The following TENM2 variants were observed in gnomAD, a reference collection of about 807,000 sequenced individuals.
TENM2 encodes the protein teneurin transmembrane protein 2.
A neutral mutation model predicts 245.2 loss-of-function variants in TENM2; 52 were observed. That is an observed-to-expected ratio of 0.21 (90% confidence interval 0.17 to 0.27). TENM2 has a LOEUF of 0.27. TENM2 is among the 10% of genes least tolerant of loss of function. The probability of loss-of-function intolerance (pLI) is 1.00; values close to 1 mark genes in which losing one functional copy is unlikely to be tolerated. For missense variants in TENM2, 3,046 were observed against 3,666.8 expected, an observed-to-expected ratio of 0.83 and a Z score of 4.37; for synonymous variants, 1,363 against 1,438.9, an observed-to-expected ratio of 0.95 and a Z score of 1.19.
At chr5:167,035,828 C>T in the TENM2 span, among the ~76,000 whole-genome samples, 89 of 152,318 alleles carry the variant, frequency 5.8e-4, no homozygotes, top group African/African-American at 2.1e-3. Context: ...GAACCTCTGC[C>T]GCCTCCCGGG....
the TENM2 span, among the ~76,000 whole-genome samples, chr5:167,049,827 TA>T: frequency 6.6e-6 from 1 of 152,220 alleles, no homozygotes; most frequent in Non-Finnish European, 1.5e-5. Flanking sequence ...TATATAGATA[TA>T]TTTTTTTTCA....
chr5:168,118,881 T>C (rs1208424148), intron 10 of TENM2, among the ~76,000 whole-genome samples: 2 of 152,172 alleles, frequency 1.3e-5, no homozygotes, highest in East Asian at 1.9e-4. Context: ...TTTCTCCTGC[T>C]TTATTTAGTA....
chr5:167,111,190 A>G, the TENM2 span, among the ~76,000 whole-genome samples: 6 of 152,162 alleles, frequency 3.9e-5, no homozygotes, highest in Admixed American at 1.3e-4. Context: ...AGGTATAGCT[A>G]TCTGGTACTG....
At chr5:167,736,759 T>C (rs1299399934) in intron 2 of TENM2, among the ~76,000 whole-genome samples, 1 of 151,114 alleles carries the variant, frequency 6.6e-6, no homozygotes, top group African/African-American at 2.4e-5. Flanking sequence ...CCGAAATGCA[T>C]ACTTCCAGGT....
At chr5:167,484,880 G>A (rs971693655) in intron 2 of TENM2, among the ~76,000 whole-genome samples, 1 of 152,226 alleles carries the variant, frequency 6.6e-6, no homozygotes, top group Non-Finnish European at 1.5e-5. Context: ...GATATTGCAT[G>A]CTAAGTGGAC....
chr5:167,411,961 A>T (rs1226301348), intron 2 of TENM2, among the ~76,000 whole-genome samples: 1 of 152,148 alleles, frequency 6.6e-6, no homozygotes, highest in Non-Finnish European at 1.5e-5. Context: ...CTTACTACTT[A>T]AATGCAAGTA....
chr5:167,206,548 C>T, the TENM2 span, among the ~76,000 whole-genome samples: 493 of 152,264 alleles, frequency 3.2e-3, 4 homozygotes, highest in African/African-American at 0.011. Context: ...GTTAGTTTCA[C>T]GCTTTGCCCA....
chr5:168,203,947 A>G (rs966929867), intron 18 of TENM2, 115 bp downstream of exon 20: 2 of 794,772 alleles, frequency 2.5e-6, no homozygotes, highest in Non-Finnish European at 3.6e-6. Flanking sequence ...TTTTTTCATC[A>G]AGTGCCCAAA....
chr5:167,827,314 G>A (rs1768050125), intron 2 of TENM2, among the ~76,000 whole-genome samples: 1 of 152,086 alleles, frequency 6.6e-6, no homozygotes, highest in Non-Finnish European at 1.5e-5. Context: ...GGGCTGGTAG[G>A]GGGCAAGGAA....
At chr5:167,291,461 G>C (rs1377303545) in intron 1 of TENM2, among the ~76,000 whole-genome samples, 1 of 152,192 alleles carries the variant, frequency 6.6e-6, no homozygotes, top group African/African-American at 2.4e-5. Context: ...TCTCTTTGAA[G>C]ATGTCTGCTG....
chr5:168,022,515 G>A (rs887497102), intron 5 of TENM2, among the ~76,000 whole-genome samples: 4 of 152,168 alleles, frequency 2.6e-5, no homozygotes, highest in African/African-American at 7.2e-5. Flanking sequence ...CTTTTTCTCT[G>A]GGGCCCATTT....
chr5:167,123,786 G>A, the TENM2 span, among the ~76,000 whole-genome samples: 2 of 152,126 alleles, frequency 1.3e-5, no homozygotes, highest in African/African-American at 4.8e-5. Context: ...ACAGGTATAT[G>A]CAGAAAGGAA....
At chr5:167,420,016 A>G (rs970363055) in intron 2 of TENM2, among the ~76,000 whole-genome samples, 12 of 152,210 alleles carry the variant, frequency 7.9e-5, no homozygotes, top group African/African-American at 2.9e-4. Flanking sequence ...AGTAAGTGTA[A>G]TAATTAAAAT....
At chr5:167,309,889 T>G (rs1004153744) in intron 1 of TENM2, 2 of 152,346 alleles carry the variant, frequency 1.3e-5, no homozygotes, top group African/African-American at 4.8e-5. Context: ...GATTTTGTGC[T>G]GCGAGTCAGA....
chr5:167,621,544 G>C (rs74349648), intron 2 of TENM2, among the ~76,000 whole-genome samples: 2 of 152,090 alleles, frequency 1.3e-5, no homozygotes, highest in Non-Finnish European at 2.9e-5. Flanking sequence ...TTACTTCACT[G>C]CCTGCACTAT....
intron 2 of TENM2, chr5:167,653,939 T>C (rs1754655420): frequency 6.6e-6 from 1 of 152,124 alleles, no homozygotes; most frequent in Non-Finnish European, 1.5e-5. Flanking sequence ...TAAAAGGAGA[T>C]AGAGAAAAAA....
chr5:166,983,449 A>G, the TENM2 span, among the ~76,000 whole-genome samples: 1 of 152,126 alleles, frequency 6.6e-6, no homozygotes, highest in South Asian at 2.1e-4. Flanking sequence ...TCAGGGAAAA[A>G]GTACAGTAAT....
chr5:167,286,502 G>T (rs1446437039), intron 1 of TENM2, among the ~76,000 whole-genome samples: 1 of 152,180 alleles, frequency 6.6e-6, no homozygotes, highest in Non-Finnish European at 1.5e-5. Context: ...TTAACTGAGA[G>T]AGAGCTTACA....
intron 2 of TENM2, among the ~76,000 whole-genome samples, chr5:167,517,534 T>A (rs1194736207): frequency 6.6e-6 from 1 of 152,146 alleles, no homozygotes; most frequent in Admixed American, 6.5e-5. Context: ...TCAGCGCTAA[T>A]AGAGGACATA....
Sources: gnomAD v4.1 joint callset for allele counts (sites outside exome capture counted in the v4.1 genomes callset) on GRCh38, gnomAD v4.1.1 for gene constraint, MANE v1.5 for transcripts, NCBI Gene and HGNC (gene_info 2026-07-23, HGNC 2026-07-21) for gene names.